PCDHA5: variants seen among roughly 807,000 people sequenced by gnomAD.
PCDHA5 encodes protocadherin alpha 5.
PCDHA5 carries 43 observed loss-of-function variants against 61.6 expected under a neutral mutation model. That is an observed-to-expected ratio of 0.70 (90% CI 0.55 to 0.90). The LOEUF is 0.90. Among genes scored for constraint, PCDHA5 ranks in the 40% least tolerant of loss-of-function variants. The pLI, the probability that PCDHA5 is intolerant of heterozygous loss-of-function variation, is 0.00. For missense variants in PCDHA5, 1,298 were observed against 1,222.7 expected, an observed-to-expected ratio of 1.06 and a Z score of -0.92; for synonymous variants, 627 against 543.9, an observed-to-expected ratio of 1.15 and a Z score of -2.13.
chr5:140,882,284 C>T (rs782560108), intron 1 of PCDHA5: 7 of 1,612,734 alleles, frequency 4.3e-6, no homozygotes, highest in Non-Finnish European at 5.9e-6. Context: ...GTCTTCCTGG[C>T]AAGGAGGCCC....
At chr5:140,902,761 G>A (rs58783050) in intron 1 of PCDHA5, among the ~76,000 whole-genome samples, 3,599 of 148,306 alleles carry the variant, frequency 0.024, 139 homozygotes, top group African/African-American at 0.083. Flanking sequence ...TCATTCTTAT[G>A]TCTTTGCATT....
chr5:140,979,949 A>G (rs1554241287), intron 2 of PCDHA5, among the ~76,000 whole-genome samples: 2 of 152,248 alleles, frequency 1.3e-5, no homozygotes, highest in African/African-American at 4.8e-5. Context: ...TTAATGTGAA[A>G]TTAGTTTTAG....
At chr5:140,914,263 G>T (rs950921953) in intron 1 of PCDHA5, among the ~76,000 whole-genome samples, 2 of 151,932 alleles carry the variant, frequency 1.3e-5, no homozygotes, top group South Asian at 2.1e-4. Flanking sequence ...TTCAATGGTG[G>T]GTGCATATAT....
chr5:140,875,806 A>G, intron 1 of PCDHA5: 1 of 1,614,204 alleles, frequency 6.2e-7, no homozygotes, highest in African/African-American at 1.3e-5. Context: ...GATCGTGGAC[A>G]GGCCGCTGCA....
chr5:140,884,702 T>C (rs1362804646), intron 1 of PCDHA5: 7 of 1,495,380 alleles, frequency 4.7e-6, no homozygotes, highest in East Asian at 4.7e-5. Context: ...GTAAACACTT[T>C]AGCCTTCCTT....
In PCDHA5 at chr5:141,006,360, C is replaced by T. The variant is rs898915080; in HGVS notation, c.2501-3267C>T. ...CTGAGTAGCTGGGACTATAGGCGCC[C>T]ACCACCACGCCCGGCTAAGTTTTTT... On this transcript the variant is annotated intron_variant, in intron 3 of 3. Coordinates refer to ENST00000529859, the MANE Select transcript of PCDHA5 (RefSeq NM_018908.3). Among the ~76,000 whole-genome samples, 9 of 151,982 alleles carry T rather than the reference C, an allele frequency of 5.9e-5. 1 individual carries two copies. The highest frequency in any genetic ancestry group is 1.2e-4 in the Non-Finnish European group (8 of 67,998).
intron 3 of PCDHA5, among the ~76,000 whole-genome samples, chr5:141,008,262 G>T (rs1178355094): frequency 6.6e-6 from 1 of 152,198 alleles, no homozygotes; most frequent in Non-Finnish European, 1.5e-5. Flanking sequence ...AGGAGACTGA[G>T]AAGTAATAGG....
intron 1 of PCDHA5, chr5:140,884,016 G>C (rs143828814): frequency 1.2e-6 from 2 of 1,613,208 alleles, no homozygotes; most frequent in Non-Finnish European, 8.5e-7. Flanking sequence ...CTGATGCCGC[G>C]GTCGGTGGGT....
Position 140,821,976 on chromosome 5 carries a change from C to T in PCDHA5, c.201C>T (p.Ser67=). Residue 67 remains serine (S), a synonymous_variant, in exon 1 of 4, where the codon TCC becomes TCT. Coordinates refer to ENST00000529859, the MANE Select transcript of PCDHA5 (RefSeq NM_018908.3). ...ELVPRLFRVA[S]KGRGDLLEVN... ...TGCCGCGCCTGTTCCGGGTGGCGTC[C>T]AAGGGCCGCGGGGACCTTCTGGAGG... 6.2e-7 allele frequency: 1 copy of T among 1,614,196 alleles called. No homozygotes were observed. The highest frequency in any genetic ancestry group is 8.5e-7 in the Non-Finnish European group (1 of 1,180,046).
At chr5:140,848,454 G>A in intron 1 of PCDHA5, 1 of 1,522,350 alleles carries the variant, frequency 6.6e-7, no homozygotes, top group South Asian at 1.2e-5. Context: ...CTTCTAATTT[G>A]GAGGCAATTT....
Position 140,821,734 on chromosome 5 carries a change from GT to G in PCDHA5, c.-41del. 3 of 1,534,086 alleles carry G rather than the reference GT, an allele frequency of 2.0e-6. No individual in the cohort carries two copies. Among genetic ancestry groups the G allele is most frequent in the South Asian group, 1.2e-5 (1 of 80,222 alleles). On this transcript the variant is annotated 5_prime_UTR_variant, in exon 1 of 4. Transcript: ENST00000529859. ...GAATTGAATTTACAAAATACATTGT[GT>G]GGTGATGCAATAGAAAGCTCATAAT... is the stretch of plus-strand genomic sequence containing the variant.
intron 1 of PCDHA5, chr5:140,966,944 A>C: frequency 6.2e-7 from 1 of 1,603,894 alleles, no homozygotes; most frequent in Non-Finnish European, 8.5e-7. Context: ...GCTCGTGGGC[A>C]ACGTGGCTCG....
intron 3 of PCDHA5, among the ~76,000 whole-genome samples, chr5:140,988,517 T>C (rs184897922): frequency 3.0e-3 from 461 of 152,278 alleles, no homozygotes; most frequent in Middle Eastern, 0.014. Context: ...CTTACTTAAG[T>C]CTCTGCTGGC....
intron 1 of PCDHA5, among the ~76,000 whole-genome samples, chr5:140,887,600 G>A (rs1306659335): frequency 6.6e-6 from 1 of 151,812 alleles, no homozygotes; most frequent in African/African-American, 2.4e-5. Context: ...TGATTGTGAT[G>A]TGCTTTAGTA....
At position 140,841,270 on chromosome 5, in the gene PCDHA5, C is replaced by A; in HGVS notation, c.2352+17143C>A. On this transcript the variant is annotated intron_variant, in intron 1 of 3. Transcript: ENST00000529859. ...GATTAAAAGACTCTGAAAGTACAGT[C>A]GTTCATCTTTATATTAAGATAATAT... 4 of 1,529,280 alleles carry A rather than the reference C, an allele frequency of 2.6e-6. No individual in the cohort carries two copies. The South Asian group carries it at 3.9e-5, about 15-fold the overall frequency. 94.7% of individuals were successfully genotyped at this position (1,529,280 alleles called of 1,614,324 possible).
Position 140,869,089 on chromosome 5 carries a change from C to A in PCDHA5, c.2352+44962C>A, listed in dbSNP as rs141432478. On this transcript the variant is annotated intron_variant, in intron 1 of 3. Coordinates refer to ENST00000529859, the MANE Select transcript of PCDHA5 (RefSeq NM_018908.3). Reference sequence around the variant, plus strand: ...AGTGTAAAGAAGCTTATTTTGGAAGCCAATTTCGTATGCGATGTTTGGTTT... The same window carrying A: ...AGTGTAAAGAAGCTTATTTTGGAAGACAATTTCGTATGCGATGTTTGGTTT... 9.7e-5 allele frequency: 154 copies of A among 1,588,996 alleles called. No individual in the cohort carries two copies. The East Asian group carries it at 3.4e-3, about 35-fold the overall frequency.
intron 1 of PCDHA5, among the ~76,000 whole-genome samples, chr5:140,961,915 G>A (rs1393178053): frequency 2.0e-5 from 3 of 147,010 alleles, no homozygotes; most frequent in East Asian, 4.0e-4. Context: ...ATGGAGTCTC[G>A]CTCTGTTGCC....
chr5:140,829,693 G>A, intron 1 of PCDHA5: 1 of 1,613,366 alleles, frequency 6.2e-7, no homozygotes, highest in Non-Finnish European at 8.5e-7. Context: ...TGCAGTTTCA[G>A]GTGAGCGCGC....
rs142802947 is a variant in PCDHA5, at chr5:140,823,155, C to A, written c.1380C>A (p.Thr460=). 6.8e-6 allele frequency: 11 copies of A among 1,613,730 alleles called. No individual in the cohort carries two copies. The highest frequency in any genetic ancestry group is 6.7e-5 in the African/African-American group (5 of 74,896). Residue 460 remains threonine (T), a synonymous_variant, in exon 1 of 4, where the codon ACC becomes ACA. Coordinates refer to ENST00000529859, the MANE Select transcript of PCDHA5 (RefSeq NM_018908.3). Reference sequence around the variant, plus strand: ...CGGCGTTCGCGCAGCCCCAGTATACCGTGTTCGTGAAGGAGAACAACCCGC... The same window carrying A: ...CGGCGTTCGCGCAGCCCCAGTATACAGTGTTCGTGAAGGAGAACAACCCGC... The part of the protein sequence containing the change: ...NAPAFAQPQY[T]VFVKENNPPG...
Sources: gnomAD v4.1 joint callset for allele counts (sites outside exome capture counted in the v4.1 genomes callset) on GRCh38, gnomAD v4.1.1 for gene constraint, MANE v1.5 for transcripts, NCBI Gene and HGNC (gene_info 2026-07-23, HGNC 2026-07-21) for gene names.